ATP1A3: variants seen among roughly 807,000 people sequenced by gnomAD.
ATP1A3 encodes ATPase Na+/K+ transporting subunit alpha 3, also known as sodium/potassium-transporting ATPase subunit alpha-3.
A neutral mutation model predicts 108.8 loss-of-function variants in ATP1A3; 12 were observed. The observed-to-expected ratio is 0.11, with a 90% confidence interval of 0.07 to 0.18. The LOEUF is 0.18. Among genes scored for constraint, ATP1A3 ranks in the 10% least tolerant of loss-of-function variants. The probability of loss-of-function intolerance (pLI) is 1.00; values close to 1 mark genes in which losing one functional copy is unlikely to be tolerated. For missense variants in ATP1A3, 498 were observed against 1,387.7 expected (o/e 0.36, Z 10.19); for synonymous variants, 539 against 564.5 (o/e 0.95, Z 0.64).
intron 15 of ATP1A3, 152 bp downstream of exon 15, chr19:41,976,264 C>G: frequency 9.0e-7 from 1 of 1,111,214 alleles, no homozygotes; most frequent in South Asian, 1.4e-5. Flanking sequence ...TCCCTCAGAC[C>G]CAGGAGTCCA....
Position 41,988,271 on chromosome 19 carries a change from C to A in ATP1A3, c.153+47G>T. ...CAGACCCAGGGGTCCTAGCCCCCAG[C>A]TCCTCCTCCCTAGTTCCCAGGGTCC... On this transcript the variant is annotated intron_variant, in intron 3 of 22. Transcript: ENST00000648268. The surrounding 1 kb of genome is among the most constrained non-coding windows in gnomAD (Gnocchi z 5.3). 1 of 1,613,828 alleles carries A rather than the reference C, an allele frequency of 6.2e-7. No individual in the cohort carries two copies. The highest frequency in any genetic ancestry group is 8.5e-7 in the Non-Finnish European group (1 of 1,179,736).
intron 11 of ATP1A3, among the ~76,000 whole-genome samples, chr19:41,980,663 G>A (rs1282154616): frequency 6.6e-6 from 1 of 152,106 alleles, no homozygotes; most frequent in Non-Finnish European, 1.5e-5. Flanking sequence ...TGTAATCCCA[G>A]CACTTTGGGA....
chr19:41,967,183 T>C lies in ATP1A3; in HGVS notation c.3013+66A>G, dbSNP rs1464827825. 1 of 1,610,120 alleles carries C rather than the reference T, an allele frequency of 6.2e-7. No individual in the cohort carries two copies. The highest frequency in any genetic ancestry group is 8.5e-7 in the Non-Finnish European group (1 of 1,178,232). On this transcript the variant is annotated intron_variant, in intron 22 of 22. Transcript: ENST00000648268. The surrounding 1 kb of genome is among the most constrained non-coding windows in gnomAD (Gnocchi z 4.2). ...GCCATCCAGCAGGGCGAGGGGAGCC[T>C]GGGACCAGCTGCCTGAGACCCTGCT...
intron 1 of ATP1A3, 73 bp downstream of exon 1, chr19:41,993,996 GCC>G (rs2075364359): frequency 3.8e-6 from 6 of 1,592,002 alleles, no homozygotes; most frequent in Non-Finnish European, 5.1e-6. Context: ...CGGTGCCCCC[GCC>G]CCCCGCGCAC....
At chr19:41,986,032 C>G in intron 5 of ATP1A3, 34 bp from the exon 6 acceptor site, 1 of 1,614,148 alleles carries the variant, frequency 6.2e-7, no homozygotes, top group Non-Finnish European at 8.5e-7. Context: ...ACCTCCCAGA[C>G]TCCCTCTGCC....
At position 41,966,878 on chromosome 19, in the gene ATP1A3, CA is replaced by C. The variant is rs1555858681; in HGVS notation, c.*58del. ...CAGAATACAAAATTGGGGGGACTGA[CA>C]GGGGCGGTCCTGGGCCTGGGGGACG... On this transcript the variant is annotated 3_prime_UTR_variant, in exon 23 of 23. Coordinates refer to ENST00000648268, the MANE Select transcript of ATP1A3 (RefSeq NM_152296.5). The C allele has an allele frequency of 1.9e-6, 3 of 1,549,444 alleles. No homozygotes were observed. The highest frequency in any genetic ancestry group is 2.8e-5 in the African/African-American group (2 of 72,558).
chr19:41,973,201 T>C (rs1261483723), intron 16 of ATP1A3, among the ~76,000 whole-genome samples: 3 of 152,220 alleles, frequency 2.0e-5, no homozygotes, highest in Non-Finnish European at 4.4e-5. Context: ...AGGGGCCCAC[T>C]GTGCCTTTGC....
At chr19:41,976,690 TG>T in intron 14 of ATP1A3, 124 bp from the exon 15 acceptor site, 1 of 1,410,322 alleles carries the variant, frequency 7.1e-7, no homozygotes, top group Non-Finnish European at 9.7e-7. Flanking sequence ...GACCAGGGGC[TG>T]GGGGAAGAGG....
intron 16 of ATP1A3, among the ~76,000 whole-genome samples, chr19:41,974,986 C>T (rs576442276): frequency 8.3e-4 from 127 of 152,362 alleles, no homozygotes; most frequent in African/African-American, 3.0e-3. Context: ...GCTCCCTTGA[C>T]CCCCAGCCCA....
chr19:41,976,971 A>AT (rs1210907202), intron 14 of ATP1A3, among the ~76,000 whole-genome samples: 3 of 150,336 alleles, frequency 2.0e-5, no homozygotes, highest in Admixed American at 6.6e-5. Flanking sequence ...CGCCTGGCTA[A>AT]TTTTTTTTTA....
chr19:41,969,597 G>T lies in ATP1A3; in HGVS notation c.2543-17C>A. 6.2e-7 allele frequency: 1 copy of T among 1,613,144 alleles called. No homozygotes were observed. The highest frequency in any genetic ancestry group is 2.2e-5 in the East Asian group (1 of 44,858). ...GGATCATTCCTGGAAGGAGGAGAGA[G>T]GAAGCCGAGGAGAGGCTCAGATTGG... On this transcript the variant is annotated splice_polypyrimidine_tract_variant and intron_variant, in intron 18 of 22. Transcript: ENST00000648268.
At chr19:41,976,688 G>A (rs1568859140) in intron 14 of ATP1A3, 122 bp from the exon 15 acceptor site, 1 of 1,421,316 alleles carries the variant, frequency 7.0e-7, no homozygotes, top group Non-Finnish European at 9.7e-7. Context: ...AGGACCAGGG[G>A]CTGGGGGAAG....
At chr19:41,986,087 C>T (rs185926736) in intron 5 of ATP1A3, 29 bp downstream of exon 5, 26 of 1,614,148 alleles carry the variant, frequency 1.6e-5, no homozygotes, top group Middle Eastern at 1.7e-4. Flanking sequence ...CTAACACCCC[C>T]GTCTGGCCCC....
chr19:41,988,634 G>A lies in ATP1A3; in HGVS notation c.7-72C>T, dbSNP rs782174657. 4.3e-6 allele frequency: 7 copies of A among 1,612,074 alleles called. No individual in the cohort carries two copies. The highest frequency in any genetic ancestry group is 1.3e-5 in the African/African-American group (1 of 75,002). ...CGAGAAGGGGTTCCAGGAGGACACC[G>A]GCCCTCCATGCCCCAGCTATCCTCC... On this transcript the variant is annotated intron_variant, in intron 1 of 22. Transcript: ENST00000648268. This position sits in a 1 kb window ranked among gnomAD's most constrained non-coding sequence, Gnocchi z 5.3.
At chr19:41,969,636 C>G in intron 18 of ATP1A3, 56 bp from the exon 19 acceptor site, 1 of 1,608,372 alleles carries the variant, frequency 6.2e-7, no homozygotes, top group Non-Finnish European at 8.5e-7. Flanking sequence ...CAGCAGCCAA[C>G]CCAGGGCACC....
Position 41,981,614 on chromosome 19 carries a change from G to T in ATP1A3, c.1325C>A (p.Ser442Tyr), listed in dbSNP as rs1263155436. 6.2e-7 allele frequency: 1 copy of T among 1,614,078 alleles called. No individual in the cohort carries two copies. Among genetic ancestry groups the T allele is most frequent in the Non-Finnish European group, 8.5e-7 (1 of 1,180,048 alleles). The stretch of plus-strand genomic sequence containing the variant: ...GATGCACTTGAGCAGGGCAGACTCA[G>T]ACGCATCCCCAGCCACATCCCTCTG... The part of the protein sequence containing the change: ...VLKRDVAGDA[S>Y]ESALLKCIEL... Residue 442 changes from serine (S) to tyrosine (Y), a missense_variant, in exon 11 of 23, where the codon TCT becomes TAT. Around this residue, in one of 9 missense-constraint regions of ATP1A3, gnomAD observed 1 missense variants for 20.2 expected, o/e 0.05. Coordinates refer to ENST00000648268, the MANE Select transcript of ATP1A3 (RefSeq NM_152296.5). The surrounding 1 kb of genome is among the most constrained non-coding windows in gnomAD (Gnocchi z 5.0).
In ATP1A3 at chr19:41,966,849, C is replaced by T; in HGVS notation, c.*88G>A. The stretch of plus-strand genomic sequence containing the variant: ...GGGCCACAGGAAGAGAGGGCTCCTC[C>T]CCCCAGAATACAAAATTGGGGGGAC... On this transcript the variant is annotated 3_prime_UTR_variant, in exon 23 of 23. Coordinates refer to ENST00000648268, the MANE Select transcript of ATP1A3 (RefSeq NM_152296.5). The T allele has an allele frequency of 6.5e-7, 1 of 1,548,128 alleles. No individual in the cohort carries two copies. Among genetic ancestry groups the T allele is most frequent in the East Asian group, 2.4e-5 (1 of 40,886 alleles).
intron 1 of ATP1A3, among the ~76,000 whole-genome samples, chr19:41,989,145 G>A (rs886521045): frequency 2.0e-5 from 3 of 150,682 alleles, no homozygotes; most frequent in Non-Finnish European, 4.4e-5. Context: ...TCACTACACT[G>A]CCCAGGCTGG....
chr19:41,993,465 C>T (rs533902752), intron 1 of ATP1A3: 1 of 1,532,740 alleles, frequency 6.5e-7, no homozygotes, highest in Non-Finnish European at 8.7e-7. Context: ...TGCACACACA[C>T]ACACTGCAGC....
Sources: gnomAD v4.1 joint callset for allele counts (sites outside exome capture counted in the v4.1 genomes callset) on GRCh38, gnomAD v4.1.1 for gene constraint, gnomAD v4.1.1 regional missense constraint, Gnocchi (gnomAD v3.1) non-coding constraint, MANE v1.5 for transcripts, NCBI Gene and HGNC (gene_info 2026-07-23, HGNC 2026-07-21) for gene names.